The following DNM3 variants were observed in gnomAD, a reference collection of about 807,000 sequenced individuals.
DNM3 encodes dynamin 3.
Under a neutral mutation model 101.6 loss-of-function variants are expected in DNM3, and 47 were observed. That is an observed-to-expected ratio of 0.46 (90% CI 0.37 to 0.59). The LOEUF (loss-of-function observed/expected upper bound fraction) is 0.59, where lower values mean the gene tolerates loss of function less well. Ranked by LOEUF, DNM3 falls within the 20% of genes least tolerant of loss-of-function variation. The pLI, the probability that DNM3 is intolerant of heterozygous loss-of-function variation, is 0.00. For synonymous variants in DNM3, 385 were observed against 387.9 expected (o/e 0.99, Z 0.09); for missense variants, 849 against 1,085.7 (o/e 0.78, Z 3.06).
At chr1:172,068,457 A>G (rs2051879058) in intron 10 of DNM3, among the ~76,000 whole-genome samples, 1 of 152,242 alleles carries the variant, frequency 6.6e-6, no homozygotes. Flanking sequence ...TAGACACTAT[A>G]TAAAATGTTA....
At chr1:172,231,139 G>A (rs1455468355) in intron 14 of DNM3, among the ~76,000 whole-genome samples, 1 of 146,192 alleles carries the variant, frequency 6.8e-6, no homozygotes, top group African/African-American at 2.5e-5. Flanking sequence ...ACTGGGGGGT[G>A]CCTCCCAGTT....
At chr1:172,311,539 G>A (rs933435853) in intron 16 of DNM3, among the ~76,000 whole-genome samples, 4 of 152,124 alleles carry the variant, frequency 2.6e-5, no homozygotes, top group Non-Finnish European at 5.9e-5. Flanking sequence ...GGAGGCCCAG[G>A]CTACAGTGTT....
At chr1:172,374,738 C>CT (rs543733031) in intron 17 of DNM3, among the ~76,000 whole-genome samples, 121 of 152,162 alleles carry the variant, frequency 8.0e-4, no homozygotes, top group Admixed American at 2.5e-3. Flanking sequence ...ATTGCCCCTG[C>CT]TTTCTCTAGG....
chr1:172,283,780 A>AAAAAAG (rs1553221113), intron 15 of DNM3, among the ~76,000 whole-genome samples: 2 of 119,112 alleles, frequency 1.7e-5, no homozygotes, highest in African/African-American at 6.7e-5. Flanking sequence ...AAAAAAAAAA[A>AAAAAAG]AAAGAAAGAA....
intron 1 of DNM3, among the ~76,000 whole-genome samples, chr1:171,914,778 G>T (rs920848437): frequency 5.3e-5 from 8 of 152,154 alleles, no homozygotes; most frequent in Non-Finnish European, 1.2e-4. Context: ...TGACTATATG[G>T]AACAATGACG....
chr1:171,963,441 A>G (rs749471627), intron 2 of DNM3, among the ~76,000 whole-genome samples: 1 of 152,168 alleles, frequency 6.6e-6, no homozygotes, highest in African/African-American at 2.4e-5. Context: ...GTATGATACT[A>G]TATGGTGGAT....
intron 14 of DNM3, among the ~76,000 whole-genome samples, chr1:172,142,736 T>TAAA (rs201730089): frequency 8.7e-6 from 1 of 114,788 alleles, no homozygotes; most frequent in Non-Finnish European, 1.9e-5. Context: ...ATTTCTAGAG[T>TAAA]AAAAAAAAAA....
At chr1:172,365,720 G>A (rs1002069119) in intron 17 of DNM3, among the ~76,000 whole-genome samples, 2 of 151,878 alleles carry the variant, frequency 1.3e-5, no homozygotes, top group Non-Finnish European at 2.9e-5. Context: ...TGTAAAGCCT[G>A]TTCTGTGTTT....
intron 1 of DNM3, among the ~76,000 whole-genome samples, chr1:171,874,024 T>C (rs2035539913): frequency 6.6e-6 from 1 of 152,194 alleles, no homozygotes; most frequent in South Asian, 2.1e-4. Flanking sequence ...AAGTATATAT[T>C]AGAGTACATT....
chr1:172,111,218 T>G (rs2055452408), intron 13 of DNM3, among the ~76,000 whole-genome samples: 1 of 152,224 alleles, frequency 6.6e-6, no homozygotes, highest in Admixed American at 6.5e-5. Flanking sequence ...GATTTTCCTT[T>G]ATCATCCTTG....
At chr1:172,377,068 T>C (rs2068639278) in intron 17 of DNM3, among the ~76,000 whole-genome samples, 1 of 152,090 alleles carries the variant, frequency 6.6e-6, no homozygotes, top group South Asian at 2.1e-4. Context: ...ATTCTGCTTT[T>C]CTCCTTTAGC....
chr1:172,027,544 G>A (rs952687783), intron 4 of DNM3, among the ~76,000 whole-genome samples: 3 of 151,686 alleles, frequency 2.0e-5, no homozygotes, highest in Non-Finnish European at 4.4e-5. Flanking sequence ...TTGTGCCACT[G>A]CACTACAGCC....
chr1:171,903,488 G>A (rs1031982751), intron 1 of DNM3, among the ~76,000 whole-genome samples: 2 of 152,188 alleles, frequency 1.3e-5, no homozygotes, highest in East Asian at 3.9e-4. Flanking sequence ...CATTTCCCAA[G>A]GGCTATCTTA....
At chr1:172,402,337 C>T (rs1296980764) in intron 20 of DNM3, among the ~76,000 whole-genome samples, 1 of 151,670 alleles carries the variant, frequency 6.6e-6, no homozygotes, top group East Asian at 1.9e-4. Context: ...TTCTAGTGGC[C>T]CTTGGAAACC....
At chr1:172,119,214 A>C (rs1032845979) in intron 13 of DNM3, among the ~76,000 whole-genome samples, 2 of 151,124 alleles carry the variant, frequency 1.3e-5, no homozygotes, top group African/African-American at 4.9e-5. Context: ...CTGGTCTCGA[A>C]CTCCTGACTT....
At chr1:172,381,523 A>C (rs2068903653) in intron 18 of DNM3, among the ~76,000 whole-genome samples, 1 of 150,646 alleles carries the variant, frequency 6.6e-6, no homozygotes, top group East Asian at 1.9e-4. Flanking sequence ...TTATATATGT[A>C]TAATTCTATA....
intron 17 of DNM3, among the ~76,000 whole-genome samples, chr1:172,325,478 T>C (rs2065902663): frequency 6.6e-6 from 1 of 152,056 alleles, no homozygotes; most frequent in African/African-American, 2.4e-5. Context: ...GTGGAAAATA[T>C]AATGCTTATA....
chr1:172,363,538 T>C (rs1164158624), intron 17 of DNM3, among the ~76,000 whole-genome samples: 1 of 151,926 alleles, frequency 6.6e-6, no homozygotes, highest in African/African-American at 2.4e-5. Context: ...TCTCCATTTT[T>C]ATAGAAACCC....
At chr1:172,250,024 T>A (rs1284984831) in intron 14 of DNM3, among the ~76,000 whole-genome samples, 1 of 151,950 alleles carries the variant, frequency 6.6e-6, no homozygotes, top group Non-Finnish European at 1.5e-5. Flanking sequence ...AACAAGAGAG[T>A]TGACTGAACA....
Sources: gnomAD v4.1 joint callset for allele counts (sites outside exome capture counted in the v4.1 genomes callset) on GRCh38, gnomAD v4.1.1 for gene constraint, MANE v1.5 for transcripts, NCBI Gene and HGNC (gene_info 2026-07-23, HGNC 2026-07-21) for gene names.